Variants in BTD observed in about 807,000 individuals in gnomAD.
BTD encodes the protein biotinidase.
In BTD, 13 loss-of-function variants were observed where a neutral mutation model predicts 17.7. The ratio of observed to expected loss-of-function variants is 0.74; its 90% CI spans 0.48 to 1.17. The LOEUF is 1.17. BTD is among the 50% of genes most tolerant of loss of function. The pLI is 0.00. For synonymous variants in BTD, 240 were observed against 245.2 expected, an observed-to-expected ratio of 0.98 and a Z score of 0.20; for missense variants, 674 against 650.4, an observed-to-expected ratio of 1.04 and a Z score of -0.39.
chr3:15,634,347 T>G (rs942061540), intron 1 of BTD, among the ~76,000 whole-genome samples: 2 of 152,216 alleles, frequency 1.3e-5, no homozygotes, highest in African/African-American at 2.4e-5. Flanking sequence ...TGGGCAGTTG[T>G]TCAGCCCCAG....
intron 1 of BTD, among the ~76,000 whole-genome samples, chr3:15,615,300 C>G (rs2064760920): frequency 6.6e-6 from 1 of 152,206 alleles, no homozygotes; most frequent in African/African-American, 2.4e-5. Flanking sequence ...TTATGACTTT[C>G]AAGGAGTACT....
Position 15,635,268 on chromosome 3 carries a change from A to G in BTD, c.-16-156A>G, listed in dbSNP as rs896202161. Among the ~76,000 whole-genome samples, 1 of 152,240 alleles carries G rather than the reference A, an allele frequency of 6.6e-6. No homozygotes were observed. The highest frequency in any genetic ancestry group is 1.5e-5 in the Non-Finnish European group (1 of 68,040). ...TTGCTACGTGTTTGGAGAGAAACAC[A>G]TACTCTTTTATTAGGAACATGAAAC... On this transcript the variant is annotated intron_variant, in intron 1 of 3. Coordinates refer to ENST00000643237, the MANE Select transcript of BTD (RefSeq NM_001370658.1). This position sits in a 1 kb window ranked among gnomAD's most constrained non-coding sequence, Gnocchi z 4.1.
rs757695918 is a variant in BTD at position 15,670,500 on chromosome 3, G to A, written c.399+28443G>A. 6 of 1,613,962 alleles carry A rather than the reference G, an allele frequency of 3.7e-6. No homozygotes were observed. The East Asian group carries it at 8.9e-5, about 24-fold the overall frequency. Reference sequence around the variant, plus strand: ...ACAGGCATCATGGTGGCCAAAATGAGAGCCAGGCAATCAGCCACATCCTTA... The same window carrying A: ...ACAGGCATCATGGTGGCCAAAATGAAAGCCAGGCAATCAGCCACATCCTTA... On this transcript the variant is annotated intron_variant, in intron 3 of 3. Coordinates refer to the BTD transcript ENST00000672141.
Position 15,629,902 on chromosome 3 carries a change from G to T in BTD, c.-16-5522G>T, listed in dbSNP as rs558997526. 4.0e-5 allele frequency: 13 copies of T among 321,848 alleles called. No individual in the cohort carries two copies. In the East Asian group the frequency reaches 1.7e-3, roughly 42 times the overall value. The allele number at this position is 321,848 out of a possible 1,614,324, so 19.9% of individuals were successfully genotyped here. A position where few individuals can be genotyped will look rare whatever the true frequency, so the allele number is the denominator to read the frequency against. ...TTTTACCATCTGCTTTCTCTGCTTT[G>T]TGTGGCAGGAAGATAAAAAAATAAT... On this transcript the variant is annotated intron_variant, in intron 1 of 3. Coordinates refer to ENST00000643237, the MANE Select transcript of BTD (RefSeq NM_001370658.1).
At chr3:15,702,458 T>C (rs923083506) in intron 3 of BTD, among the ~76,000 whole-genome samples, 2 of 152,218 alleles carry the variant, frequency 1.3e-5, no homozygotes, top group African/African-American at 4.8e-5. Context: ...TAATCTGTCC[T>C]CTGAAATAAA....
intron 3 of BTD, among the ~76,000 whole-genome samples, chr3:15,682,650 T>A: frequency 6.6e-6 from 1 of 152,206 alleles, no homozygotes; most frequent in Non-Finnish European, 1.5e-5. Context: ...TTGGCCATCA[T>A]TTCATTTTAA....
In BTD at chr3:15,689,915, G is replaced by C. The variant is rs1370362036; in HGVS notation, c.400-20145G>C. ...CCATATATGATTTGAAAAAAAAAAA[G>C]GTCAAAATTTTAAAGACAATTAACT... On this transcript the variant is annotated intron_variant, in intron 3 of 3. Transcript: ENST00000672141. 20 of 1,034,526 alleles carry C rather than the reference G, an allele frequency of 1.9e-5. No homozygotes were observed. The East Asian group carries it at 4.6e-4, about 24-fold the overall frequency. The allele number at this position is 1,034,526 out of a possible 1,614,324, so 64.1% of individuals were successfully genotyped here. A position where few individuals can be genotyped will look rare whatever the true frequency, so the allele number is the denominator to read the frequency against.
At chr3:15,704,752 G>T (rs1355038973) in intron 3 of BTD, among the ~76,000 whole-genome samples, 1 of 151,986 alleles carries the variant, frequency 6.6e-6, no homozygotes, top group Admixed American at 6.6e-5. Context: ...CACTGTTTAA[G>T]CCTCCAAAAC....
rs1478906549 is a variant in BTD at position 15,645,328 on chromosome 3, G to A, written c.1412G>A (p.Ser471Asn). ...IFEFHLWGNF[S>N]TSYIFPLFLT... ...GAGTTTCACCTGTGGGGCAACTTCAGTACTTCCTATATCTTTCCTTTGTTT... is the reference window on the plus strand; with the variant it reads ...GAGTTTCACCTGTGGGGCAACTTCAATACTTCCTATATCTTTCCTTTGTTT... Residue 471 changes from serine (S) to asparagine (N), a missense_variant, in exon 4 of 4, where the codon AGT becomes AAT. Transcript: ENST00000643237. The A allele has an allele frequency of 6.2e-7, 1 of 1,614,214 alleles. No homozygotes were observed. The highest frequency in any genetic ancestry group is 8.5e-7 in the Non-Finnish European group (1 of 1,180,038).
At position 15,697,275 on chromosome 3, in the gene BTD, G is replaced by A. The variant is rs964122063; in HGVS notation, c.400-12785G>A. ...CAAAAATGATAGAATGGACTTTGGG[G>A]ACTCAGGGGGAAGTTCCCAAATTGT... On this transcript the variant is annotated intron_variant, in intron 3 of 3. Transcript: ENST00000672141. 33 of 153,222 alleles carry A rather than the reference G, an allele frequency of 2.2e-4. 5 individuals are homozygous for A. Among genetic ancestry groups the A allele is most frequent in the Admixed American group, 9.8e-4 (15 of 15,260 alleles). 9.5% of individuals were successfully genotyped at this position (153,222 alleles called of 1,614,324 possible).
At chr3:15,601,365 C>T (rs1010302801), upstream of BTD, 12 of 1,613,894 alleles carry the variant, frequency 7.4e-6, no homozygotes, top group African/African-American at 1.5e-4. Flanking sequence ...CCTTTCATTC[C>T]AGGAAGGTCC....
intron 1 of BTD, among the ~76,000 whole-genome samples, chr3:15,602,467 T>G (rs112287506): frequency 6.6e-6 from 1 of 152,238 alleles, no homozygotes; most frequent in Non-Finnish European, 1.5e-5. Flanking sequence ...AAAACATTTT[T>G]GTGTGAAAAT....
intron 3 of BTD, chr3:15,670,159 C>A: frequency 1.6e-6 from 2 of 1,234,990 alleles, no homozygotes; most frequent in Non-Finnish European, 2.2e-6. Context: ...CATTGGCTCA[C>A]TGTGGGATCT....
At chr3:15,642,255 T>C in intron 3 of BTD, 198 bp downstream of exon 3, 2 of 1,441,004 alleles carry the variant, frequency 1.4e-6, no homozygotes, top group Non-Finnish European at 1.8e-6. Context: ...GTTATTCATC[T>C]ATGGATCTTT....
chr3:15,686,612 G>C (rs931901569), intron 3 of BTD, among the ~76,000 whole-genome samples: 5 of 152,194 alleles, frequency 3.3e-5, no homozygotes, highest in Admixed American at 1.3e-4. Flanking sequence ...GTCAGGAAGA[G>C]TGCCTTGACT....
At position 15,648,614 on chromosome 3, in the gene BTD, A is replaced by G. The variant is rs999002297; in HGVS notation, c.*3126A>G. On this transcript the variant is annotated 3_prime_UTR_variant, in exon 4 of 4. Coordinates refer to ENST00000643237, the MANE Select transcript of BTD (RefSeq NM_001370658.1). ...CAGTGAAGATATCAACCAAGGCTGC[A>G]GCCGGTTGAAGGCCTCACTGGATTT... Among the ~76,000 whole-genome samples, 4 of 152,238 alleles carry G rather than the reference A, an allele frequency of 2.6e-5. No homozygotes were observed. The highest frequency in any genetic ancestry group is 2.0e-4 in the Admixed American group (3 of 15,288).
chr3:15,619,448 G>T (rs767676405), intron 1 of BTD, among the ~76,000 whole-genome samples: 3 of 152,170 alleles, frequency 2.0e-5, no homozygotes, highest in Non-Finnish European at 2.9e-5. Flanking sequence ...GCCTGTTAAT[G>T]TGATAGATTA....
intron 3 of BTD, among the ~76,000 whole-genome samples, chr3:15,704,030 T>A (rs1347106963): frequency 6.6e-6 from 1 of 152,136 alleles, no homozygotes; most frequent in Non-Finnish European, 1.5e-5. Flanking sequence ...TTCCTTCTCT[T>A]ATATACATAC....
chr3:15,695,733 T>G (rs1238083595), intron 3 of BTD, among the ~76,000 whole-genome samples: 1 of 152,060 alleles, frequency 6.6e-6, no homozygotes, highest in Non-Finnish European at 1.5e-5. Context: ...TCTCCCTTGT[T>G]AGGAGGGGTT....
Sources: allele counts gnomAD v4.1 joint callset (sites outside exome capture counted in the v4.1 genomes callset), GRCh38; gene constraint gnomAD v4.1.1; non-coding constraint Gnocchi (gnomAD v3.1); transcripts MANE v1.5; gene names NCBI Gene and HGNC (gene_info 2026-07-23, HGNC 2026-07-21).